SYNE3: variants seen among roughly 807,000 people sequenced by gnomAD.
SYNE3 encodes the protein spectrin repeat containing nuclear envelope family member 3.
Under a neutral mutation model 111.2 loss-of-function variants are expected in SYNE3, and 100 were observed. That is an observed-to-expected ratio of 0.90 (90% CI 0.77 to 1.06). The LOEUF is 1.06. SYNE3 is among the 50% of genes least tolerant of loss of function. SYNE3 has a pLI of 0.00. For missense variants in SYNE3, 1,160 were observed against 1,240.3 expected (o/e 0.94, Z 0.97); for synonymous variants, 547 against 533.9 (o/e 1.02, Z -0.34).
chr14:95,439,576 C>T lies in SYNE3; in HGVS notation c.2246+36G>A, dbSNP rs371645418. 3.3e-5 allele frequency: 53 copies of T among 1,601,302 alleles called. No homozygotes were observed. The African/African-American group carries it at 5.9e-4, about 18-fold the overall frequency. ...GTCCCTGAGTGAGAAGGGGCAGTGT[C>T]CCAGACAACGCTCAGAGCCTAGGAG... On this transcript the variant is annotated intron_variant, in intron 13 of 17. Transcript: ENST00000682763.
intron 4 of SYNE3, among the ~76,000 whole-genome samples, chr14:95,461,893 A>G (rs1477954930): frequency 6.6e-6 from 1 of 152,106 alleles, no homozygotes; most frequent in East Asian, 1.9e-4. Flanking sequence ...GTGCCCACCC[A>G]CCTTGGGATG....
In SYNE3 at chr14:95,411,937, A is replaced by G. The variant is rs1217827966; in HGVS notation, c.*5889T>C. The G allele has an allele frequency of 6.6e-6, 1 of 152,358 alleles. No individual in the cohort carries two copies. Among genetic ancestry groups the G allele is most frequent in the Non-Finnish European group, 1.5e-5 (1 of 68,140 alleles). The allele number at this position is 152,358 out of a possible 1,614,324, so 9.4% of individuals were successfully genotyped here. A position where few individuals can be genotyped will look rare whatever the true frequency, so the allele number is the denominator to read the frequency against. On this transcript the variant is annotated 3_prime_UTR_variant, in exon 18 of 18. Transcript: ENST00000682763. ...GCATTTCCAACCACACATTTTTACC[A>G]GGAAGACAGACTAATAATTGGGCTA...
At chr14:95,429,981 A>AGGAG (rs1885657178) in intron 17 of SYNE3, 1 of 730,434 alleles carries the variant, frequency 1.4e-6, no homozygotes, top group African/African-American at 2.2e-5. Flanking sequence ...GAAGGAAGGA[A>AGGAG]GGAAGGAAGG....
intron 8 of SYNE3, chr14:95,449,416 T>A (rs1886917209): frequency 5.1e-6 from 5 of 984,812 alleles, no homozygotes; most frequent in Non-Finnish European, 6.0e-6. Flanking sequence ...CGCGGCTCCA[T>A]CCGGAGCCAG....
chr14:95,434,649 T>C (rs1250055503), intron 15 of SYNE3, among the ~76,000 whole-genome samples: 1 of 123,212 alleles, frequency 8.1e-6, no homozygotes, highest in African/African-American at 3.6e-5. Context: ...GAGGAAAAGA[T>C]TATCCTAAAT....
intron 10 of SYNE3, chr14:95,443,771 C>T (rs920050623): frequency 1.3e-5 from 2 of 152,674 alleles, no homozygotes; most frequent in Admixed American, 6.5e-5. Flanking sequence ...CTCGGCCTCC[C>T]AAGTAGCTGG....
At position 95,466,071 on chromosome 14, in the gene SYNE3, C is replaced by G. The variant is rs528067092; in HGVS notation, c.487G>C (p.Val163Leu). 6.2e-7 allele frequency: 1 copy of G among 1,613,420 alleles called. No homozygotes were observed. The highest frequency in any genetic ancestry group is 8.5e-7 in the Non-Finnish European group (1 of 1,179,384). ...TCCAGGAGCACCGCCTGGTTGTCCA[C>G]GTTGTGCAGCAGCACCTGGGCGTGG... ...LSHAQVLLHN[V>L]DNQAVLLDRL... The change falls in exon 4 of 18, where the codon GTG becomes CTG. Residue 163 changes from valine to leucine, a missense_variant. Val to Leu is a conservative substitution (Grantham distance 32, BLOSUM62 1). Transcript: ENST00000682763.
At chr14:95,452,016 C>A in intron 7 of SYNE3, 1 of 403,892 alleles carries the variant, frequency 2.5e-6, no homozygotes, top group Non-Finnish European at 4.3e-6. Context: ...GGCTGAGCCA[C>A]TAGCCTGGAT....
chr14:95,476,195 C>T (rs1037647589), intron 1 of SYNE3, among the ~76,000 whole-genome samples: 4 of 152,230 alleles, frequency 2.6e-5, no homozygotes, highest in South Asian at 2.1e-4. Flanking sequence ...CAGTCCGAAA[C>T]GTCTGGACCC....
rs145721216 is a variant in SYNE3 at position 95,470,982 on chromosome 14, GAAA to G, written c.145-3018_145-3016del. Among the ~76,000 whole-genome samples, 1 of 128,318 alleles carries G rather than the reference GAAA, an allele frequency of 7.8e-6. No homozygotes were observed. 84.2% of individuals were successfully genotyped at this position (128,318 alleles called of 152,430 possible). A position where few individuals can be genotyped will look rare whatever the true frequency, so the allele number is the denominator to read the frequency against. ...GCAACAGAGCAACACGCCGTCTCAG[GAAA>G]AAAAAAAAAAGAAAGTAAGATGATA... On this transcript the variant is annotated intron_variant, in intron 2 of 17. Coordinates refer to ENST00000682763, the MANE Select transcript of SYNE3 (RefSeq NM_152592.6). The surrounding 1 kb of genome is among the most constrained non-coding windows in gnomAD (Gnocchi z 4.2).
At chr14:95,433,235 G>C in intron 16 of SYNE3, 25 bp downstream of exon 16, 2 of 1,609,224 alleles carry the variant, frequency 1.2e-6, no homozygotes, top group Admixed American at 3.4e-5. Context: ...CTGGAATCTG[G>C]GACCTGCACA....
At chr14:95,432,277 G>A (rs763360948) in intron 16 of SYNE3, among the ~76,000 whole-genome samples, 160 bp from the exon 17 acceptor site, 4 of 152,234 alleles carry the variant, frequency 2.6e-5, no homozygotes, top group Non-Finnish European at 4.4e-5. Context: ...CAGATGATTC[G>A]ATTTAATGAG....
In SYNE3 at chr14:95,502,121, G is replaced by A. The variant is rs1000014151; in HGVS notation, c.-15+14475C>T. On this transcript the variant is annotated intron_variant, in intron 1 of 17. Coordinates refer to ENST00000682763, the MANE Select transcript of SYNE3 (RefSeq NM_152592.6). ...GATGACCAATTTATCCTGATTTGAC[G>A]CACACCATCCAGGTTTTAACCTTGA... 3.9e-5 allele frequency among the ~76,000 whole-genome samples: 6 copies of A among 152,210 alleles called. No homozygotes were observed. In the South Asian group the frequency reaches 6.2e-4, roughly 16 times the overall value.
intron 1 of SYNE3, among the ~76,000 whole-genome samples, chr14:95,484,553 T>C (rs1455804520): frequency 6.6e-6 from 1 of 152,202 alleles, no homozygotes; most frequent in Non-Finnish European, 1.5e-5. Context: ...AGGGCACAGG[T>C]ACCAGCCTGG....
intron 2 of SYNE3, among the ~76,000 whole-genome samples, chr14:95,468,768 A>T (rs887841852): frequency 2.6e-5 from 4 of 152,012 alleles, no homozygotes; most frequent in Non-Finnish European, 5.9e-5. Context: ...TGCACATTTC[A>T]TCTCATCTTG....
chr14:95,514,487 G>A (rs79702722), intron 1 of SYNE3, among the ~76,000 whole-genome samples: 10,333 of 152,288 alleles, frequency 0.068, 382 homozygotes, highest in Admixed American at 0.078. Flanking sequence ...CAGGTATCCC[G>A]ACGAGGCCCC....
chr14:95,478,618 C>T (rs1327233332), intron 1 of SYNE3, among the ~76,000 whole-genome samples: 3 of 152,208 alleles, frequency 2.0e-5, no homozygotes, highest in Non-Finnish European at 2.9e-5. Flanking sequence ...TCCCTGAACC[C>T]CTTGCAAGGA....
In SYNE3 at chr14:95,436,989, A is replaced by C. The variant is rs1369612817; in HGVS notation, c.2377-8T>G. The C allele has an allele frequency of 2.5e-6, 4 of 1,614,028 alleles. No individual in the cohort carries two copies. The highest frequency in any genetic ancestry group is 3.4e-6 in the Non-Finnish European group (4 of 1,180,038). On this transcript the variant is annotated splice_region_variant and splice_polypyrimidine_tract_variant and intron_variant, in intron 14 of 17. Coordinates refer to ENST00000682763, the MANE Select transcript of SYNE3 (RefSeq NM_152592.6). ...TTCCTGTAGAAGATTTGCCTGTAGG[A>C]TCACACACGGCCAAAGCGTCAGAGG...
At chr14:95,438,890 G>A (rs1886246199) in intron 14 of SYNE3, 143 bp downstream of exon 14, 4 of 1,167,964 alleles carry the variant, frequency 3.4e-6, no homozygotes, top group Non-Finnish European at 4.9e-6. Context: ...AGCTGGGGCA[G>A]GCTCAAATGA....
Sources: gnomAD v4.1 joint callset for allele counts (sites outside exome capture counted in the v4.1 genomes callset) on GRCh38, gnomAD v4.1.1 for gene constraint, Gnocchi (gnomAD v3.1) non-coding constraint, MANE v1.5 for transcripts, NCBI Gene and HGNC (gene_info 2026-07-23, HGNC 2026-07-21) for gene names.